Variants in C17orf67 observed in about 807,000 individuals in gnomAD.
The protein encoded by C17orf67 is chromosome 17 open reading frame 67, also known as uncharacterized protein C17orf67.
Under a neutral mutation model 11.2 loss-of-function variants are expected in C17orf67, and 12 were observed. That is an observed-to-expected ratio of 1.07 (90% confidence interval 0.68 to 1.73). C17orf67 has a LOEUF of 1.73. Among genes scored for constraint, C17orf67 ranks in the 40% most tolerant of loss-of-function variants. C17orf67 has a pLI of 0.00. For missense variants in C17orf67, 115 were observed against 113.5 expected, an observed-to-expected ratio of 1.01 and a Z score of -0.06; for synonymous variants, 59 against 46.9, an observed-to-expected ratio of 1.26 and a Z score of -1.05.
At chr17:56,827,061 G>T (rs1370039823) in intron 2 of C17orf67, among the ~76,000 whole-genome samples, 1 of 152,226 alleles carries the variant, frequency 6.6e-6, no homozygotes, top group East Asian at 1.9e-4. Context: ...AAGAGCATAG[G>T]TTATCATTTA....
At chr17:56,816,109 C>A in intron 4 of C17orf67, 99 bp from the exon 5 acceptor site, 1 of 311,876 alleles carries the variant, frequency 3.2e-6, no homozygotes, top group South Asian at 4.4e-5. Flanking sequence ...CAGATAAGCA[C>A]CAGACAGATG....
chr17:56,828,600 T>C (rs1906105516), intron 2 of C17orf67, among the ~76,000 whole-genome samples: 1 of 152,134 alleles, frequency 6.6e-6, no homozygotes, highest in African/African-American at 2.4e-5. Flanking sequence ...GTTTCTAACA[T>C]AAAAATTAAA....
chr17:56,796,503 C>T (rs2144110990), intron 6 of C17orf67, among the ~76,000 whole-genome samples: 1 of 152,230 alleles, frequency 6.6e-6, no homozygotes, highest in South Asian at 2.1e-4. Context: ...AGGTGGCCAG[C>T]CCCATACATT....
chr17:56,824,569 C>G (rs761898184), intron 4 of C17orf67, among the ~76,000 whole-genome samples, 170 bp downstream of exon 4: 1 of 152,176 alleles, frequency 6.6e-6, no homozygotes, highest in Non-Finnish European at 1.5e-5. Flanking sequence ...TAAAAGCAGC[C>G]TCCTTCCTCT....
chr17:56,823,752 T>G (rs928053201), intron 4 of C17orf67, among the ~76,000 whole-genome samples: 3 of 152,162 alleles, frequency 2.0e-5, no homozygotes, highest in Admixed American at 2.0e-4. Flanking sequence ...CACAAAAACC[T>G]GCACACAGAT....
intron 2 of C17orf67, among the ~76,000 whole-genome samples, chr17:56,826,023 C>T (rs1013321109): frequency 2.0e-5 from 3 of 152,190 alleles, no homozygotes; most frequent in East Asian, 3.9e-4. Flanking sequence ...GGCACAATCT[C>T]GGCTCACTGC....
chr17:56,805,896 T>C (rs1291447942), intron 6 of C17orf67, among the ~76,000 whole-genome samples: 1 of 150,600 alleles, frequency 6.6e-6, no homozygotes, highest in African/African-American at 2.4e-5. Context: ...TTTAAATATA[T>C]ACAAAGACTA....
intron 2 of C17orf67, among the ~76,000 whole-genome samples, chr17:56,828,099 C>A (rs1251941413): frequency 8.1e-6 from 1 of 123,060 alleles, no homozygotes; most frequent in Non-Finnish European, 1.6e-5. Context: ...CAGAACAAGA[C>A]TCAGTCTCAA....
chr17:56,831,501 A>G lies in C17orf67; in HGVS notation c.-557+1397T>C, dbSNP rs117302172. ...AGATGGACATAGGTGGAGAACTTGGAGGAGCAATCACAGCATCAGCAAGGA... is the reference window on the plus strand; with the variant it reads ...AGATGGACATAGGTGGAGAACTTGGGGGAGCAATCACAGCATCAGCAAGGA... On this transcript the variant is annotated intron_variant, in intron 2 of 7. Transcript: ENST00000397861. 2.6e-5 allele frequency among the ~76,000 whole-genome samples: 4 copies of G among 152,288 alleles called. No individual in the cohort carries two copies. The East Asian group carries it at 7.7e-4, about 29-fold the overall frequency.
intron 6 of C17orf67, among the ~76,000 whole-genome samples, chr17:56,812,847 A>G (rs1341170605): frequency 6.6e-6 from 1 of 152,198 alleles, no homozygotes; most frequent in African/African-American, 2.4e-5. Flanking sequence ...GTTTTTGAGC[A>G]GGGGAAGGAC....
intron 2 of C17orf67, among the ~76,000 whole-genome samples, chr17:56,827,889 C>T (rs1027460412): frequency 1.3e-5 from 2 of 152,160 alleles, no homozygotes; most frequent in Admixed American, 6.5e-5. Context: ...GTTTTCGAAC[C>T]GCCTCCATTA....
intron 5 of C17orf67, among the ~76,000 whole-genome samples, chr17:56,815,461 T>C (rs73323093): frequency 0.026 from 3,890 of 152,232 alleles, 172 homozygotes; most frequent in African/African-American, 0.089. Flanking sequence ...ATCATAAAAA[T>C]ATATCAAATT....
chr17:56,793,220 AC>A (rs1905150831), intron 7 of C17orf67, among the ~76,000 whole-genome samples: 1 of 152,094 alleles, frequency 6.6e-6, no homozygotes, highest in Non-Finnish European at 1.5e-5. Flanking sequence ...TCCTCATTTT[AC>A]AAATGAGGAA....
At chr17:56,802,417 T>A in intron 6 of C17orf67, among the ~76,000 whole-genome samples, 1 of 152,340 alleles carries the variant, frequency 6.6e-6, no homozygotes, top group South Asian at 2.1e-4. Context: ...ATTGGCTGCA[T>A]CCCTCTCCTG....
At chr17:56,810,369 T>C (rs1447987500) in intron 6 of C17orf67, among the ~76,000 whole-genome samples, 4 of 95,046 alleles carry the variant, frequency 4.2e-5, no homozygotes, top group East Asian at 3.2e-4. Flanking sequence ...CCCTCACACA[T>C]CCCTCACACA....
At chr17:56,813,765 G>A (rs1204765484) in intron 6 of C17orf67, among the ~76,000 whole-genome samples, 1 of 151,730 alleles carries the variant, frequency 6.6e-6, no homozygotes, top group Non-Finnish European at 1.5e-5. Flanking sequence ...CTTTCTAAGT[G>A]CTTTCTTAAA....
In C17orf67 at chr17:56,792,086, C is replaced by T. The variant is rs1309401946; in HGVS notation, c.*287G>A. The T allele has an allele frequency of 2.6e-5, 4 of 152,154 alleles. No individual in the cohort carries two copies. Among genetic ancestry groups the T allele is most frequent in the African/African-American group, 9.7e-5 (4 of 41,426 alleles). The allele number at this position is 152,154 out of a possible 1,614,324, so 9.4% of individuals were successfully genotyped here. On this transcript the variant is annotated 3_prime_UTR_variant, in exon 8 of 8. Coordinates refer to ENST00000397861, the MANE Select transcript of C17orf67 (RefSeq NM_001085430.4). Reference sequence around the variant, plus strand: ...GTCTGGGAGTTCCAGCTCCATCAACCCCAGGTAAGATTCTGGTTGTTCCCA... The same window carrying T: ...GTCTGGGAGTTCCAGCTCCATCAACTCCAGGTAAGATTCTGGTTGTTCCCA...
intron 2 of C17orf67, among the ~76,000 whole-genome samples, chr17:56,830,023 A>G (rs1284062589): frequency 1.3e-5 from 2 of 152,126 alleles, no homozygotes; most frequent in African/African-American, 4.8e-5. Flanking sequence ...AAGTTAAAGC[A>G]CCATTTTTTG....
At position 56,831,712 on chromosome 17, in the gene C17orf67, G is replaced by A. The variant is rs536391145; in HGVS notation, c.-557+1186C>T. Among the ~76,000 whole-genome samples the A allele has an allele frequency of 3.9e-5, 6 of 152,262 alleles. No homozygotes were observed. In the East Asian group the frequency reaches 9.6e-4, roughly 24 times the overall value. On this transcript the variant is annotated intron_variant, in intron 2 of 7. Coordinates refer to ENST00000397861, the MANE Select transcript of C17orf67 (RefSeq NM_001085430.4). ...AGTCTGTTCCCATTAGGGGACTTGA[G>A]TTGTGCAGAATCCGTATAAGACAGC...
Sources: gnomAD v4.1 joint callset for allele counts (sites outside exome capture counted in the v4.1 genomes callset) on GRCh38, gnomAD v4.1.1 for gene constraint, MANE v1.5 for transcripts, NCBI Gene and HGNC (gene_info 2026-07-23, HGNC 2026-07-21) for gene names.